The following KCNH7 variants were observed in gnomAD, a reference collection of about 807,000 sequenced individuals.
KCNH7 encodes the protein potassium voltage-gated channel subfamily H member 7, also known as voltage-gated inwardly rectifying potassium channel KCNH7.
A neutral mutation model predicts 120.8 loss-of-function variants in KCNH7; 49 were observed. The observed-to-expected ratio is 0.41, with a 90% CI of 0.32 to 0.51. KCNH7 has a LOEUF of 0.51. Among genes scored for constraint, KCNH7 ranks in the 20% least tolerant of loss-of-function variants. KCNH7 has a pLI of 0.38. For synonymous variants in KCNH7, 547 were observed against 516.1 expected, an observed-to-expected ratio of 1.06 and a Z score of -0.81; for missense variants, 1,097 against 1,446.6, an observed-to-expected ratio of 0.76 and a Z score of 3.92.
At chr2:162,543,561 A>G (rs1574083226) in intron 2 of KCNH7, among the ~76,000 whole-genome samples, 2 of 152,276 alleles carry the variant, frequency 1.3e-5, no homozygotes, top group African/African-American at 4.8e-5. Context: ...ATTTATTTTC[A>G]ATTACTTCTT....
At chr2:162,641,553 TA>T (rs35157175) in intron 2 of KCNH7, among the ~76,000 whole-genome samples, 14,260 of 143,934 alleles carry the variant, frequency 0.099, 1,199 homozygotes, top group African/African-American at 0.23. Context: ...TCTCTGTATT[TA>T]AAAAAAAAAA....
rs779145475 is a variant in KCNH7 at position 162,623,906 on chromosome 2, C to A, written c.308-86826G>T. Among the ~76,000 whole-genome samples the A allele has an allele frequency of 6.6e-5, 10 of 152,292 alleles. No homozygotes were observed. The Middle Eastern group carries it at 0.014, about 207-fold the overall frequency. On this transcript the variant is annotated intron_variant, in intron 2 of 15. Transcript: ENST00000332142. ...TTTGTTTTCCTCAGTTTATTACCTG[C>A]AGTTAACCGCACTCTGAAAATGTTA...
intron 6 of KCNH7, among the ~76,000 whole-genome samples, chr2:162,499,690 C>T (rs1690612666): frequency 6.6e-6 from 1 of 152,084 alleles, no homozygotes; most frequent in Admixed American, 6.6e-5. Context: ...CAGACTTACT[C>T]TTGCTTAATC....
At chr2:162,502,932 A>AT (rs1169181534) in intron 6 of KCNH7, among the ~76,000 whole-genome samples, 1 of 152,030 alleles carries the variant, frequency 6.6e-6, no homozygotes, top group African/African-American at 2.4e-5. Flanking sequence ...AGTTCAAGGC[A>AT]TTTTTTCATT....
intron 2 of KCNH7, among the ~76,000 whole-genome samples, chr2:162,579,774 C>T (rs911516308): frequency 3.9e-5 from 6 of 151,938 alleles, no homozygotes; most frequent in Admixed American, 3.3e-4. Flanking sequence ...CTAGCGAAGA[C>T]AGGCACAGAG....
chr2:162,402,996 C>T (rs988659354), intron 9 of KCNH7, among the ~76,000 whole-genome samples: 2 of 152,086 alleles, frequency 1.3e-5, no homozygotes, highest in African/African-American at 4.8e-5. Context: ...AATTACTTAA[C>T]TTCTCTGAAA....
At chr2:162,691,947 T>G (rs940119109) in intron 2 of KCNH7, among the ~76,000 whole-genome samples, 1 of 152,198 alleles carries the variant, frequency 6.6e-6, no homozygotes, top group East Asian at 1.9e-4. Context: ...TGTCTCTTGA[T>G]AGCTTAAATT....
chr2:162,462,537 A>AAG (rs10589133), intron 6 of KCNH7, among the ~76,000 whole-genome samples: 3,185 of 147,638 alleles, frequency 0.022, 101 homozygotes, highest in South Asian at 0.097. Flanking sequence ...GAGAGAGAGC[A>AAG]AGAGAGAGAG....
At chr2:162,576,385 A>G (rs1693671853) in intron 2 of KCNH7, among the ~76,000 whole-genome samples, 1 of 152,022 alleles carries the variant, frequency 6.6e-6, no homozygotes, top group Non-Finnish European at 1.5e-5. Context: ...GGATAGTGAG[A>G]AGGAAGGAGA....
intron 3 of KCNH7, among the ~76,000 whole-genome samples, chr2:162,530,377 A>C (rs912962064): frequency 1.4e-4 from 21 of 151,936 alleles, no homozygotes; most frequent in Non-Finnish European, 5.9e-5. Flanking sequence ...AATTTTCAGA[A>C]AGTAACATCT....
chr2:162,550,992 G>A (rs1290501673), intron 2 of KCNH7, among the ~76,000 whole-genome samples: 1 of 152,010 alleles, frequency 6.6e-6, no homozygotes, highest in Non-Finnish European at 1.5e-5. Context: ...GATATTTGGA[G>A]AAGATAAATG....
chr2:162,458,727 T>G (rs947540338), intron 6 of KCNH7, among the ~76,000 whole-genome samples: 2 of 151,996 alleles, frequency 1.3e-5, no homozygotes, highest in African/African-American at 4.8e-5. Context: ...GAGAGGGAAT[T>G]AGATGTTTGG....
chr2:162,502,769 C>A (rs949131208), intron 6 of KCNH7, among the ~76,000 whole-genome samples: 5 of 152,048 alleles, frequency 3.3e-5, no homozygotes, highest in African/African-American at 1.2e-4. Context: ...CTTCTCAGAT[C>A]TCTGTGTGTA....
At chr2:162,609,327 T>C (rs1343793694) in intron 2 of KCNH7, among the ~76,000 whole-genome samples, 1 of 152,226 alleles carries the variant, frequency 6.6e-6, no homozygotes, top group Non-Finnish European at 1.5e-5. Context: ...TCTTCTATAC[T>C]TCATAATGAG....
At chr2:162,592,111 G>C (rs1042663521) in intron 2 of KCNH7, among the ~76,000 whole-genome samples, 1 of 152,032 alleles carries the variant, frequency 6.6e-6, no homozygotes, top group Non-Finnish European at 1.5e-5. Flanking sequence ...TATAGGCAAA[G>C]AAAGTTAAGA....
intron 2 of KCNH7, among the ~76,000 whole-genome samples, chr2:162,544,759 G>A (rs1692419942): frequency 6.6e-6 from 1 of 151,966 alleles, no homozygotes. Flanking sequence ...CTGCCAACTG[G>A]GAGGCAGCAA....
chr2:162,782,547 T>C (rs1267754957), intron 2 of KCNH7, among the ~76,000 whole-genome samples: 2 of 152,022 alleles, frequency 1.3e-5, no homozygotes, highest in African/African-American at 4.8e-5. Flanking sequence ...GAGAGAAAAG[T>C]TTGGGAGACA....
rs538486100 is a variant in KCNH7, at chr2:162,679,162, A to G, written c.308-142082T>C. ...AATTGATTATAAGTCCCTGAGATGT[A>G]AGGAAATAGAAGAGACCCCACTAAA... On this transcript the variant is annotated intron_variant, in intron 2 of 15. Transcript: ENST00000332142. 1.2e-3 allele frequency among the ~76,000 whole-genome samples: 178 copies of G among 151,704 alleles called. 1 individual carries two copies. Among genetic ancestry groups the G allele is most frequent in the African/African-American group, 4.0e-3 (167 of 41,482 alleles).
intron 2 of KCNH7, among the ~76,000 whole-genome samples, chr2:162,602,634 T>C (rs927595998): frequency 1.3e-5 from 2 of 152,044 alleles, no homozygotes; most frequent in African/African-American, 4.8e-5. Context: ...CACTCTGTTT[T>C]TCAAAAGAAC....
Sources: gnomAD v4.1 joint callset for allele counts (sites outside exome capture counted in the v4.1 genomes callset) on GRCh38, gnomAD v4.1.1 for gene constraint, MANE v1.5 for transcripts, NCBI Gene and HGNC (gene_info 2026-07-23, HGNC 2026-07-21) for gene names.